The following CPLX2 variants were observed in gnomAD, a reference collection of about 807,000 sequenced individuals.
CPLX2 encodes the protein complexin-2.
A neutral mutation model predicts 16.3 loss-of-function variants in CPLX2; 5 were observed. The observed-to-expected ratio is 0.31, with a 90% confidence interval of 0.16 to 0.64. CPLX2 has a LOEUF of 0.64. Among genes scored for constraint, CPLX2 ranks in the 30% least tolerant of loss-of-function variants. CPLX2 has a pLI of 0.79. For synonymous variants in CPLX2, 89 were observed against 73.2 expected, an observed-to-expected ratio of 1.22 and a Z score of -1.10; for missense variants, 144 against 181.4, an observed-to-expected ratio of 0.79 and a Z score of 1.18.
At chr5:175,848,451 G>A (rs575428648) in intron 2 of CPLX2, among the ~76,000 whole-genome samples, 1 of 152,294 alleles carries the variant, frequency 6.6e-6, no homozygotes, top group South Asian at 2.1e-4. Context: ...AGGCAAGGGA[G>A]AACAGGGTGT....
chr5:175,843,570 T>C (rs556557563), intron 2 of CPLX2, among the ~76,000 whole-genome samples: 1 of 152,308 alleles, frequency 6.6e-6, no homozygotes, highest in African/African-American at 2.4e-5. Flanking sequence ...GGATCTCCCC[T>C]GCTGATGGGG....
intron 2 of CPLX2, among the ~76,000 whole-genome samples, chr5:175,862,973 A>G (rs988332239): frequency 7.9e-5 from 12 of 152,154 alleles, no homozygotes. Flanking sequence ...GATGCAGTCA[A>G]CTCTGTGTTT....
chr5:175,813,624 G>T (rs181172235), intron 2 of CPLX2, among the ~76,000 whole-genome samples: 2 of 152,376 alleles, frequency 1.3e-5, no homozygotes, highest in Admixed American at 1.3e-4. Flanking sequence ...GTCAAGTGTG[G>T]CCAGGGAGCT....
chr5:175,818,145 A>G (rs1032656299), intron 2 of CPLX2, among the ~76,000 whole-genome samples: 6 of 152,156 alleles, frequency 3.9e-5, no homozygotes, highest in African/African-American at 1.4e-4. Flanking sequence ...GATAAAGGAA[A>G]GTTCAATGGG....
intron 1 of CPLX2, chr5:175,878,125 A>G (rs1755447503): frequency 6.6e-6 from 1 of 152,500 alleles, no homozygotes; most frequent in Non-Finnish European, 1.5e-5. Context: ...TCATTTGCTC[A>G]GCTGCCTCCG....
At chr5:175,796,836 G>C (rs1215803762) in intron 1 of CPLX2, 1 of 152,292 alleles carries the variant, frequency 6.6e-6, no homozygotes, top group Non-Finnish European at 1.5e-5. Flanking sequence ...TCCTCCGCGG[G>C]AGCGGTTGGC....
intron 1 of CPLX2, among the ~76,000 whole-genome samples, chr5:175,800,031 C>G (rs536860116): frequency 9.5e-4 from 144 of 152,204 alleles, no homozygotes; most frequent in Non-Finnish European, 1.8e-3. Flanking sequence ...TCCGATTTGC[C>G]CTGAATTTGG....
intron 2 of CPLX2, among the ~76,000 whole-genome samples, chr5:175,856,563 GAGA>G (rs1273753904): frequency 2.6e-5 from 4 of 152,236 alleles, no homozygotes; most frequent in Non-Finnish European, 5.9e-5. Flanking sequence ...GGTTTCCAAG[GAGA>G]AGGAGGAGAG....
At chr5:175,821,185 C>T (rs1054724592) in intron 2 of CPLX2, among the ~76,000 whole-genome samples, 5 of 152,120 alleles carry the variant, frequency 3.3e-5, no homozygotes, top group South Asian at 2.1e-4. Context: ...CTGATGGTTT[C>T]CCCATCCCCA....
upstream of CPLX2, among the ~76,000 whole-genome samples, chr5:175,871,225 G>C (rs898165540): frequency 2.0e-5 from 3 of 151,626 alleles, no homozygotes; most frequent in Non-Finnish European, 4.4e-5. Flanking sequence ...GCTGTGGCCA[G>C]GATGTCTGGT....
intron 2 of CPLX2, among the ~76,000 whole-genome samples, chr5:175,821,930 GC>G (rs1469315463): frequency 6.6e-6 from 1 of 152,194 alleles, no homozygotes; most frequent in East Asian, 1.9e-4. Flanking sequence ...ACTGATGGGG[GC>G]TGCAGAGTAG....
Position 175,809,894 on chromosome 5 carries a change from T to C in CPLX2, c.-89+826T>C, listed in dbSNP as rs2113632072. ...TATTTAGCATACAGTGAGCCACATA[T>C]TTGCACAGAGAGAGTGTATGTGGAT... On this transcript the variant is annotated intron_variant, in intron 2 of 4. Coordinates refer to the CPLX2 transcript ENST00000359546. The surrounding 1 kb of genome is among the most constrained non-coding windows in gnomAD (Gnocchi z 4.4). Among the ~76,000 whole-genome samples, 1 of 152,310 alleles carries C rather than the reference T, an allele frequency of 6.6e-6. No homozygotes were observed. Among genetic ancestry groups the C allele is most frequent in the East Asian group, 1.9e-4 (1 of 5,180 alleles).
chr5:175,846,863 A>G (rs1219908265), intron 2 of CPLX2, among the ~76,000 whole-genome samples: 1 of 152,204 alleles, frequency 6.6e-6, no homozygotes, highest in African/African-American at 2.4e-5. Context: ...TCAAAGCAGC[A>G]AGGCTAACTC....
chr5:175,821,997 G>A (rs183449529), intron 2 of CPLX2, among the ~76,000 whole-genome samples: 3 of 152,278 alleles, frequency 2.0e-5, no homozygotes, highest in East Asian at 1.9e-4. Context: ...CTTGAAATAC[G>A]ATCATGCAAT....
At chr5:175,797,755 G>A (rs1758018539) in intron 1 of CPLX2, among the ~76,000 whole-genome samples, 3 of 152,152 alleles carry the variant, frequency 2.0e-5, no homozygotes, top group African/African-American at 7.2e-5. Flanking sequence ...CGGCAGAGAA[G>A]GCAGGGGGGA....
chr5:175,848,927 C>T (rs958242247), intron 2 of CPLX2, among the ~76,000 whole-genome samples: 2 of 152,202 alleles, frequency 1.3e-5, no homozygotes, highest in Admixed American at 1.3e-4. Flanking sequence ...CAGAGTGAGC[C>T]GGGGAGAGCA....
chr5:175,860,506 GAAAGAAAGAA>G (rs1377256530), intron 2 of CPLX2, among the ~76,000 whole-genome samples: 11 of 19,696 alleles, frequency 5.6e-4, no homozygotes, highest in African/African-American at 1.7e-3. Flanking sequence ...AGAAAAGAAA[GAAAGAAAGAA>G]AAAGAAAGAA....
chr5:175,858,556 G>A (rs111462987), intron 2 of CPLX2, among the ~76,000 whole-genome samples: 2 of 152,236 alleles, frequency 1.3e-5, no homozygotes, highest in African/African-American at 4.8e-5. Flanking sequence ...GGAGCCATTA[G>A]CACCTCCAAC....
intron 2 of CPLX2, among the ~76,000 whole-genome samples, chr5:175,839,270 T>G (rs1290071838): frequency 2.7e-5 from 4 of 149,310 alleles, no homozygotes; most frequent in Admixed American, 6.7e-5. Flanking sequence ...AATTTTTGTT[T>G]TTTTGTTTTG....
Sources: gnomAD v4.1 joint callset for allele counts (sites outside exome capture counted in the v4.1 genomes callset) on GRCh38, gnomAD v4.1.1 for gene constraint, Gnocchi (gnomAD v3.1) non-coding constraint, MANE v1.5 for transcripts, NCBI Gene and HGNC (gene_info 2026-07-23, HGNC 2026-07-21) for gene names.